The following DACH2 variants were observed in gnomAD, a reference collection of about 807,000 sequenced individuals.
The protein encoded by DACH2 is dachshund family transcription factor 2.
DACH2 carries 17 observed loss-of-function variants against 35.8 expected under a neutral mutation model. That is an observed-to-expected ratio of 0.48 (90% CI 0.33 to 0.71). DACH2 has a LOEUF of 0.71. DACH2 is among the 30% of genes least tolerant of loss of function. DACH2 has a pLI of 0.02. For synonymous variants in DACH2, 195 were observed against 177.3 expected (o/e 1.10, Z -0.79); for missense variants, 469 against 472.7 (o/e 0.99, Z 0.07).
chrX:86,493,513 G>A (rs907010270), intron 2 of DACH2, among the ~76,000 whole-genome samples: 3 of 111,416 alleles, frequency 2.7e-5, no homozygotes, highest in Admixed American at 9.6e-5. Context: ...TATTAGGCAG[G>A]ATTGTTAAAG....
At chrX:86,329,648 T>A (rs925316856) in intron 1 of DACH2, among the ~76,000 whole-genome samples, 5 of 111,368 alleles carry the variant, frequency 4.5e-5, no homozygotes, top group Non-Finnish European at 7.5e-5. Context: ...CAGTAGGGGT[T>A]GTGTAAGTCT....
chrX:86,433,583 A>G (rs758484370), intron 2 of DACH2, among the ~76,000 whole-genome samples: 7 of 112,036 alleles, frequency 6.2e-5, no homozygotes, highest in African/African-American at 1.6e-4. Flanking sequence ...AGTTAGGAAA[A>G]GAAAAGGAAA....
chrX:86,513,214 T>C (rs2038419905), intron 2 of DACH2, among the ~76,000 whole-genome samples: 1 of 112,202 alleles, frequency 8.9e-6, no homozygotes, highest in Admixed American at 9.5e-5. Flanking sequence ...GGGTATGTTC[T>C]CTATCTGAAC....
intron 3 of DACH2, among the ~76,000 whole-genome samples, chrX:86,577,424 T>C (rs1444044209): frequency 2.7e-5 from 3 of 111,722 alleles, no homozygotes; most frequent in African/African-American, 9.7e-5. Context: ...AATTTTATTT[T>C]AATAATATGG....
At chrX:86,425,781 G>A (rs773791237) in intron 2 of DACH2, among the ~76,000 whole-genome samples, 1 of 110,957 alleles carries the variant, frequency 9.0e-6, no homozygotes, top group South Asian at 3.8e-4. Context: ...ATTATTAAGT[G>A]AAATGATGAA....
At chrX:86,660,104 C>T (rs1324173150) in intron 4 of DACH2, among the ~76,000 whole-genome samples, 1 of 111,310 alleles carries the variant, frequency 9.0e-6, no homozygotes, top group Non-Finnish European at 1.9e-5. Context: ...ATTGCCTCAA[C>T]TTAACATTTA....
At chrX:86,596,992 C>T (rs1418914583) in intron 3 of DACH2, among the ~76,000 whole-genome samples, 1 of 111,387 alleles carries the variant, frequency 9.0e-6, no homozygotes, top group East Asian at 2.8e-4. Flanking sequence ...CATTGATCTA[C>T]ATGTCTATCT....
At chrX:86,343,636 C>G (rs2035449578) in intron 1 of DACH2, among the ~76,000 whole-genome samples, 1 of 111,654 alleles carries the variant, frequency 9.0e-6, no homozygotes, top group Non-Finnish European at 1.9e-5. Flanking sequence ...ATATCCTTGG[C>G]ATTTTACCCA....
intron 3 of DACH2, among the ~76,000 whole-genome samples, chrX:86,635,728 C>A (rs934530232): frequency 8.1e-5 from 9 of 111,447 alleles, no homozygotes; most frequent in African/African-American, 2.9e-4. Context: ...CATTCCTATA[C>A]ACCAACAACA....
intron 7 of DACH2, among the ~76,000 whole-genome samples, chrX:86,771,785 G>A (rs757281685): frequency 9.0e-6 from 1 of 111,373 alleles, no homozygotes; most frequent in Non-Finnish European, 1.9e-5. Context: ...TTTATCTCTC[G>A]GTTTCCTGAA....
At chrX:86,432,952 G>A (rs986387380) in intron 2 of DACH2, among the ~76,000 whole-genome samples, 17 of 111,509 alleles carry the variant, frequency 1.5e-4, no homozygotes, top group African/African-American at 4.2e-4. Context: ...TTGCGTGGTC[G>A]TTAAATACAT....
intron 11 of DACH2, chrX:86,830,657 T>C (rs1170797846): frequency 8.9e-6 from 1 of 111,960 alleles, no homozygotes; most frequent in Non-Finnish European, 1.9e-5. Flanking sequence ...GCTGAGTTCA[T>C]GTACCCTTTT....
At chrX:86,347,195 A>G (rs749641411) in intron 1 of DACH2, among the ~76,000 whole-genome samples, 1 of 112,424 alleles carries the variant, frequency 8.9e-6, no homozygotes, top group African/African-American at 3.2e-5. Flanking sequence ...CAAGCGAGGA[A>G]AAACCATCAA....
chrX:86,557,413 T>C (rs1264155684), intron 3 of DACH2, among the ~76,000 whole-genome samples: 1 of 108,132 alleles, frequency 9.2e-6, no homozygotes. Flanking sequence ...TAGGATTGAC[T>C]TGGCGATGCG....
At chrX:86,463,737 C>A (rs2037615249) in intron 2 of DACH2, among the ~76,000 whole-genome samples, 1 of 111,318 alleles carries the variant, frequency 9.0e-6, no homozygotes, top group African/African-American at 3.3e-5. Context: ...AATGAACAGG[C>A]AACCTACAGA....
intron 1 of DACH2, among the ~76,000 whole-genome samples, chrX:86,303,337 C>T (rs982249598): frequency 9.1e-6 from 1 of 109,327 alleles, no homozygotes; most frequent in African/African-American, 3.3e-5. Flanking sequence ...ATTCTTTTTG[C>T]GTTCACTTTT....
At chrX:86,243,766 A>G (rs767035869) in intron 1 of DACH2, among the ~76,000 whole-genome samples, 1 of 112,140 alleles carries the variant, frequency 8.9e-6, no homozygotes, top group East Asian at 2.8e-4. Flanking sequence ...GCATAGAAAT[A>G]AATCAGATCA....
intron 3 of DACH2, among the ~76,000 whole-genome samples, chrX:86,571,699 A>G (rs944919313): frequency 8.7e-5 from 6 of 68,965 alleles, no homozygotes; most frequent in Admixed American, 2.6e-4. Context: ...AAATCGGGTA[A>G]CGCAAGATTT....
intron 1 of DACH2, among the ~76,000 whole-genome samples, chrX:86,255,514 T>G (rs1310963005): frequency 8.9e-6 from 1 of 111,760 alleles, no homozygotes; most frequent in Non-Finnish European, 1.9e-5. Context: ...TCTGGCCAAC[T>G]TGCTCTTACA....
Sources: gnomAD v4.1 joint callset for allele counts (sites outside exome capture counted in the v4.1 genomes callset) on GRCh38, gnomAD v4.1.1 for gene constraint, MANE v1.5 for transcripts, NCBI Gene and HGNC (gene_info 2026-07-23, HGNC 2026-07-21) for gene names.